The following KCNQ1 variants were observed in gnomAD, a reference collection of about 807,000 sequenced individuals.
KCNQ1 encodes the protein potassium voltage-gated channel subfamily Q member 1, also known as potassium voltage-gated channel subfamily KQT member 1.
In KCNQ1, 49 loss-of-function variants were observed where a neutral mutation model predicts 72.4. That is an observed-to-expected ratio of 0.68 (90% CI 0.54 to 0.86). The LOEUF (loss-of-function observed/expected upper bound fraction) is 0.86. KCNQ1 is among the 40% of genes least tolerant of loss of function. The probability of loss-of-function intolerance (pLI) is 0.00; values close to 1 mark genes in which losing one functional copy is unlikely to be tolerated. For missense variants in KCNQ1, 790 were observed against 945.1 expected (o/e 0.84, Z 2.15); for synonymous variants, 450 against 412.6 (o/e 1.09, Z -1.10).
chr11:2,619,947 GTGTGGATAAGCC>G (rs1849137535), intron 10 of KCNQ1: 1 of 359,040 alleles, frequency 2.8e-6, no homozygotes, highest in Non-Finnish European at 4.8e-6. Context: ...GAGGTTTGGA[GTGTGGATAAGCC>G]TATCACCCAG....
At position 2,592,219 on chromosome 11, in the gene KCNQ1, G is replaced by C. The variant is rs565520409; in HGVS notation, c.1393+3365G>C. Among the ~76,000 whole-genome samples the C allele has an allele frequency of 6.6e-6, 1 of 152,364 alleles. No individual in the cohort carries two copies. The highest frequency in any genetic ancestry group is 1.9e-4 in the East Asian group (1 of 5,182). ...CTGTGCGGTGTTGGCCCCATTTATA[G>C]ATGGAGAAACGGAAGGCCAGGGCCA... On this transcript the variant is annotated intron_variant, in intron 10 of 15. Transcript: ENST00000155840. This position sits in a 1 kb window ranked among gnomAD's most constrained non-coding sequence, Gnocchi z 5.2.
intron 1 of KCNQ1, among the ~76,000 whole-genome samples, chr11:2,472,320 G>A (rs1846495793): frequency 6.6e-6 from 1 of 150,890 alleles, no homozygotes; most frequent in Non-Finnish European, 1.5e-5. Context: ...GTGCACCTTT[G>A]TGTGTATACG....
chr11:2,767,579 T>A lies in KCNQ1; in HGVS notation c.1515-1265T>A, dbSNP rs1042328568. Among the ~76,000 whole-genome samples, 7 of 152,200 alleles carry A rather than the reference T, an allele frequency of 4.6e-5. No individual in the cohort carries two copies. Among genetic ancestry groups the A allele is most frequent in the African/African-American group, 1.7e-4 (7 of 41,444 alleles). ...ATTATCTCCCTACAGATAATTTTAT[T>A]TTCTTCTGCCACGCGCAAAGCACCT... On this transcript the variant is annotated intron_variant, in intron 11 of 15. Transcript: ENST00000155840. The surrounding 1 kb of genome is among the most constrained non-coding windows in gnomAD (Gnocchi z 4.6).
At chr11:2,730,055 A>G (rs231910) in intron 11 of KCNQ1, among the ~76,000 whole-genome samples, 83,910 of 151,804 alleles carry the variant, frequency 0.55, 23,766 homozygotes, top group African/African-American at 0.67. Context: ...GAGAGCTAGG[A>G]CACGTGAAGC....
At chr11:2,754,355 C>T (rs936810097) in intron 11 of KCNQ1, among the ~76,000 whole-genome samples, 54 of 152,238 alleles carry the variant, frequency 3.5e-4, no homozygotes, top group Admixed American at 3.4e-3. Context: ...CCCAGGCATC[C>T]TCCAGTGGGT....
At chr11:2,619,970 G>A (rs1251674101) in intron 10 of KCNQ1, 1 of 397,738 alleles carries the variant, frequency 2.5e-6, no homozygotes, top group Non-Finnish European at 4.4e-6. Flanking sequence ...TATCACCCAG[G>A]TAGTGAGCAT....
chr11:2,801,134 G>A (rs576068920), intron 15 of KCNQ1, among the ~76,000 whole-genome samples: 2 of 152,168 alleles, frequency 1.3e-5, no homozygotes, highest in Non-Finnish European at 2.9e-5. Context: ...AGGGTAGAGT[G>A]CAGTCAGGTT....
At position 2,720,972 on chromosome 11, in the gene KCNQ1, C is replaced by T. The variant is rs968718959; in HGVS notation, c.1515-47872C>T. Among the ~76,000 whole-genome samples the T allele has an allele frequency of 2.6e-5, 4 of 152,086 alleles. No individual in the cohort carries two copies. The highest frequency in any genetic ancestry group is 7.2e-5 in the African/African-American group (3 of 41,394). ...AGGGGCTCTCAGATTTCCAGGGACT[C>T]GGGCAGGCACAGCTTTCCAGGCCAG... On this transcript the variant is annotated intron_variant, in intron 11 of 15. Transcript: ENST00000155840. This position sits in a 1 kb window ranked among gnomAD's most constrained non-coding sequence, Gnocchi z 5.1.
rs186639956 is a variant in KCNQ1, at chr11:2,663,980, G to A, written c.1514+1899G>A. The A allele has an allele frequency of 1.5e-3, 579 of 398,680 alleles. 3 individuals are homozygous for A. Among genetic ancestry groups the A allele is most frequent in the African/African-American group, 0.01 (502 of 48,746 alleles). 24.7% of individuals were successfully genotyped at this position (398,680 alleles called of 1,614,324 possible). A position where few individuals can be genotyped will look rare whatever the true frequency, so the allele number is the denominator to read the frequency against. ...GAGAGACCTGAACATCCATCCCCAA[G>A]CTCTCTGCCCACTTTGGGTCTGGCA... is the stretch of plus-strand genomic sequence containing the variant. On this transcript the variant is annotated intron_variant, in intron 11 of 15. Coordinates refer to ENST00000155840, the MANE Select transcript of KCNQ1 (RefSeq NM_000218.3). The surrounding 1 kb of genome is among the most constrained non-coding windows in gnomAD (Gnocchi z 5.2).
chr11:2,527,294 G>A (rs1253323389), intron 1 of KCNQ1, among the ~76,000 whole-genome samples: 3 of 152,168 alleles, frequency 2.0e-5, no homozygotes, highest in South Asian at 2.1e-4. Context: ...CTTGGTGCAG[G>A]TGTCAGGACC....
At chr11:2,845,098 T>G (rs529244721) in intron 15 of KCNQ1, among the ~76,000 whole-genome samples, 9 of 152,248 alleles carry the variant, frequency 5.9e-5, no homozygotes, top group Admixed American at 5.9e-4. Context: ...CTACCAGGCA[T>G]GAGCAGGTCG....
chr11:2,670,238 C>A lies in KCNQ1; in HGVS notation c.1514+8157C>A. The A allele has an allele frequency of 2.5e-6, 1 of 398,584 alleles. No individual in the cohort carries two copies. The allele number at this position is 398,584 out of a possible 1,614,324, so 24.7% of individuals were successfully genotyped here. On this transcript the variant is annotated intron_variant, in intron 11 of 15. Coordinates refer to ENST00000155840, the MANE Select transcript of KCNQ1 (RefSeq NM_000218.3). This position sits in a 1 kb window ranked among gnomAD's most constrained non-coding sequence, Gnocchi z 4.9. ...TGTAGCTCACCTGCCTTTGACCCTGCACATGACGGGCGAGGGAAGAGGACC... is the reference window on the plus strand; with the variant it reads ...TGTAGCTCACCTGCCTTTGACCCTGAACATGACGGGCGAGGGAAGAGGACC...
At chr11:2,693,991 G>A (rs953428734) in intron 11 of KCNQ1, 12 of 398,548 alleles carry the variant, frequency 3.0e-5, no homozygotes, top group Admixed American at 1.8e-4. Context: ...GGCCCAGCCC[G>A]GCCTCTCTAG....
At chr11:2,702,982 G>T (rs78607138) in intron 11 of KCNQ1, among the ~76,000 whole-genome samples, 1,720 of 152,314 alleles carry the variant, frequency 0.011, 52 homozygotes, top group East Asian at 0.087. Context: ...TTTGGGGGAA[G>T]AGTGGAGAGG....
At chr11:2,525,151 A>G (rs1276652822) in intron 1 of KCNQ1, among the ~76,000 whole-genome samples, 1 of 152,178 alleles carries the variant, frequency 6.6e-6, no homozygotes, top group Non-Finnish European at 1.5e-5. Context: ...GCAGCTTGGC[A>G]CAAAGACTCT....
chr11:2,781,036 A>G lies in KCNQ1; in HGVS notation c.1794+2999A>G, dbSNP rs745679215. Among the ~76,000 whole-genome samples, 1 of 152,004 alleles carries G rather than the reference A, an allele frequency of 6.6e-6. No homozygotes were observed. The highest frequency in any genetic ancestry group is 1.5e-5 in the Non-Finnish European group (1 of 67,976). On this transcript the variant is annotated intron_variant, in intron 15 of 15. Transcript: ENST00000155840. The surrounding 1 kb of genome is among the most constrained non-coding windows in gnomAD (Gnocchi z 6.6). ...GAAACCCACCCACACCCGCAGATCC[A>G]GGGGCCTCCTCACAGCGAGTCTACT...
In KCNQ1 at chr11:2,669,600, G is replaced by T; in HGVS notation, c.1514+7519G>T. On this transcript the variant is annotated intron_variant, in intron 11 of 15. Coordinates refer to ENST00000155840, the MANE Select transcript of KCNQ1 (RefSeq NM_000218.3). The surrounding 1 kb of genome is among the most constrained non-coding windows in gnomAD (Gnocchi z 5.6). ...ATTTCATCCTGCCCACAGGACACTG[G>T]GGCAGTCACCTAATCTCTATCAGCC... The T allele has an allele frequency of 2.5e-6, 1 of 398,550 alleles. No homozygotes were observed. The highest frequency in any genetic ancestry group is 4.4e-6 in the Non-Finnish European group (1 of 226,074). 24.7% of individuals were successfully genotyped at this position (398,550 alleles called of 1,614,324 possible). A position where few individuals can be genotyped will look rare whatever the true frequency, so the allele number is the denominator to read the frequency against.
In KCNQ1 at chr11:2,844,553, G is replaced by A. The variant is rs369173838; in HGVS notation, c.1795-3214G>A. Among the ~76,000 whole-genome samples, 11 of 152,264 alleles carry A rather than the reference G, an allele frequency of 7.2e-5. No homozygotes were observed. The East Asian group carries it at 1.2e-3, about 16-fold the overall frequency. ...AAGCTCGGCCCTGTGGCTGCCTCCCGACCCCAAAGGTGGCTGAGTGCCTCT... is the reference window on the plus strand; with the variant it reads ...AAGCTCGGCCCTGTGGCTGCCTCCCAACCCCAAAGGTGGCTGAGTGCCTCT... On this transcript the variant is annotated intron_variant, in intron 15 of 15. Transcript: ENST00000155840.
chr11:2,572,905 G>T lies in KCNQ1; in HGVS notation c.840G>T (p.Val280=), dbSNP rs1554893236. 1.2e-5 allele frequency: 19 copies of T among 1,613,862 alleles called. No individual in the cohort carries two copies. The highest frequency in any genetic ancestry group is 1.6e-5 in the Non-Finnish European group (19 of 1,180,028). ...GCCTCATCTTCTCCTCGTACTTTGT[G>T]TACCTGGCTGAGAAGGACGCGGTGA... ...FLGLIFSSYF[V]YLAEKDAVNE... The change falls in exon 6 of 16, where the codon GTG becomes GTT. Residue 280 remains valine (V), a synonymous_variant. Transcript: ENST00000155840.
Sources: gnomAD v4.1 joint callset for allele counts (sites outside exome capture counted in the v4.1 genomes callset) on GRCh38, gnomAD v4.1.1 for gene constraint, Gnocchi (gnomAD v3.1) non-coding constraint, MANE v1.5 for transcripts, NCBI Gene and HGNC (gene_info 2026-07-23, HGNC 2026-07-21) for gene names.